The following CEP72 variants were observed in gnomAD, a reference collection of about 807,000 sequenced individuals.
CEP72 encodes centrosomal protein of 72 kDa.
CEP72 carries 78 observed loss-of-function variants against 65.7 expected under a neutral mutation model. The ratio of observed to expected loss-of-function variants is 1.19; its 90% CI spans 0.99 to 1.43. CEP72 has a LOEUF of 1.43. Among genes scored for constraint, CEP72 ranks in the 40% most tolerant of loss-of-function variants. CEP72 has a pLI of 0.00. For missense variants in CEP72, 914 were observed against 832.9 expected, an observed-to-expected ratio of 1.10 and a Z score of -1.20; for synonymous variants, 358 against 351.7, an observed-to-expected ratio of 1.02 and a Z score of -0.20.
exon 4 of CEP72, chr5:666,016 A>G (rs1739893685): frequency 3.1e-6 from 5 of 1,593,994 alleles, no homozygotes; most frequent in African/African-American, 1.4e-5. Flanking sequence ...GAGCCTGTGC[A>G]CCTCGCGAAC....
At chr5:648,096 G>A (rs573070932) in intron 11 of CEP72, among the ~76,000 whole-genome samples, 180 bp downstream of exon 11, 6 of 152,370 alleles carry the variant, frequency 3.9e-5, no homozygotes, top group African/African-American at 1.4e-4. Context: ...CTCTGAAAAC[G>A]GAGGCCCTTC....
intron 11 of CEP72, among the ~76,000 whole-genome samples, chr5:649,757 GTGACTGTGAGGCGT>G (rs1738815857): frequency 1.3e-5 from 1 of 75,150 alleles, no homozygotes; most frequent in African/African-American, 6.2e-5. Flanking sequence ...ACTGTGAGGT[GTGACTGTGAGGCGT>G]GGACTGTGAG....
Position 619,001 on chromosome 5 carries a change from T to C in CEP72, c.94T>C (p.Ser32Pro). ...GPHRDLAELQ[S>P]LSIPGTYQEK... ...TTTTCTATTCTTAGCTGAGCTTCAGTCATTGTCTATTCCTGGAACTTACCA... is the reference window on the plus strand; with the variant it reads ...TTTTCTATTCTTAGCTGAGCTTCAGCCATTGTCTATTCCTGGAACTTACCA... Residue 32 changes from serine to proline, a missense_variant, in exon 2 of 12, where the codon TCA becomes CCA. Transcript: ENST00000264935. 3.1e-6 allele frequency: 5 copies of C among 1,609,162 alleles called. No individual in the cohort carries two copies. The highest frequency in any genetic ancestry group is 4.3e-6 in the Non-Finnish European group (5 of 1,175,608).
At chr5:650,553 G>A (rs866048408) in intron 11 of CEP72, among the ~76,000 whole-genome samples, 1 of 52,186 alleles carries the variant, frequency 1.9e-5, no homozygotes, top group Non-Finnish European at 3.3e-5. Flanking sequence ...ACTGTGAGGC[G>A]TGGACTGTGA....
At position 635,361 on chromosome 5, in the gene CEP72, T is replaced by TCCAGACAGA; in HGVS notation, c.692-11_692-10insCCAGACAGA. On this transcript the variant is annotated splice_polypyrimidine_tract_variant and intron_variant, in intron 5 of 11. Transcript: ENST00000264935. ...GTTTTATGAAATATTTTATTTACAA[T>TCCAGACAGA]ATTTTAATAGAATCCAGACATCTGT... The TCCAGACAGA allele has an allele frequency of 6.4e-7, 1 of 1,550,406 alleles. No individual in the cohort carries two copies. Among genetic ancestry groups the TCCAGACAGA allele is most frequent in the South Asian group, 1.2e-5 (1 of 85,690 alleles).
chr5:665,914 T>TCC, intron 3 of CEP72: 1 of 459,610 alleles, frequency 2.2e-6, no homozygotes, highest in Non-Finnish European at 2.6e-6. Flanking sequence ...CCACCCACCT[T>TCC]CCAGGCCCCG....
At position 624,255 on chromosome 5, in the gene CEP72, G is replaced by A. The variant is rs1459898342; in HGVS notation, c.404-216G>A. Among the ~76,000 whole-genome samples the A allele has an allele frequency of 6.6e-6, 1 of 152,200 alleles. No homozygotes were observed. Among genetic ancestry groups the A allele is most frequent in the East Asian group, 1.9e-4 (1 of 5,192 alleles). On this transcript the variant is annotated intron_variant, in intron 3 of 11. Transcript: ENST00000264935. This position sits in a 1 kb window ranked among gnomAD's most constrained non-coding sequence, Gnocchi z 4.7. The stretch of plus-strand genomic sequence containing the variant: ...CATCTGTGTGCGGCTGCTCCCGTGC[G>A]CAGCAGTGAGCTCTGAGGGACAGGC...
Position 665,319 on chromosome 5 carries a change from G to T in CEP72, n.427G>T, listed in dbSNP as rs761708657. The T allele has an allele frequency of 3.1e-5, 50 of 1,602,438 alleles. 1 individual carries two copies. In the South Asian group the frequency reaches 4.4e-4, roughly 14 times the overall value. On this transcript the variant is annotated non_coding_transcript_exon_variant, in exon 3 of 5. Coordinates refer to the CEP72 transcript ENST00000514507. Reference sequence around the variant, plus strand: ...TTTCTGCAAGAGGAGCAGGAGGAAGGGGGCAGGTGAGTTGCGAGCCAGGTG... The same window carrying T: ...TTTCTGCAAGAGGAGCAGGAGGAAGTGGGCAGGTGAGTTGCGAGCCAGGTG...
rs1736550203 is a variant in CEP72 at position 623,731 on chromosome 5, T to C, written c.404-740T>C. 6.6e-6 allele frequency among the ~76,000 whole-genome samples: 1 copy of C among 151,756 alleles called. No homozygotes were observed. Among genetic ancestry groups the C allele is most frequent in the Non-Finnish European group, 1.5e-5 (1 of 67,954 alleles). ...GGTGCCCTGTGTGCTGGGTGGAGAG[T>C]GCCCCAGGTTGCAGAGGCCTCTGAC... On this transcript the variant is annotated intron_variant, in intron 3 of 11. Coordinates refer to ENST00000264935, the MANE Select transcript of CEP72 (RefSeq NM_018140.4). The surrounding 1 kb of genome is among the most constrained non-coding windows in gnomAD (Gnocchi z 5.3).
intron 4 of CEP72, among the ~76,000 whole-genome samples, chr5:625,168 A>G (rs910893563): frequency 1.3e-5 from 2 of 152,104 alleles, no homozygotes; most frequent in African/African-American, 2.4e-5. Context: ...TGTTCGGTTG[A>G]TAGTATCTGC....
intron 3 of CEP72, among the ~76,000 whole-genome samples, chr5:622,673 C>T (rs542133709): frequency 2.6e-5 from 4 of 152,336 alleles, no homozygotes; most frequent in African/African-American, 7.2e-5. Context: ...GGCGTGCATG[C>T]GTGGTGCTGG....
intron 3 of CEP72, among the ~76,000 whole-genome samples, chr5:621,859 C>T (rs111705670): frequency 9.6e-4 from 147 of 152,342 alleles, no homozygotes; most frequent in African/African-American, 3.1e-3. Flanking sequence ...CTGCAACCTC[C>T]GCCTCCCGGG....
At chr5:650,083 CGTGACTGTGAGGT>C (rs1480521550) in intron 11 of CEP72, among the ~76,000 whole-genome samples, 3,190 of 3,996 alleles carry the variant, frequency 0.8, 1,400 homozygotes, top group Admixed American at 0.84. Flanking sequence ...GACTGTGAGG[CGTGACTGTGAGGT>C]GTGGACTGTG....
intron 3 of CEP72, chr5:665,418 C>G (rs759235912): frequency 1.1e-6 from 1 of 904,454 alleles, no homozygotes; most frequent in African/African-American, 1.7e-5. Context: ...GGCATAAACC[C>G]TGGGATTTAT....
the CEP72 span, among the ~76,000 whole-genome samples, chr5:674,671 G>C: frequency 3.3e-5 from 5 of 151,624 alleles, no homozygotes; most frequent in African/African-American, 4.9e-5. Flanking sequence ...CAGCTGGCTG[G>C]GGCCATCTAC....
chr5:653,335 GAT>G lies in CEP72; in HGVS notation c.*185_*186del. 1.9e-6 allele frequency: 1 copy of G among 539,310 alleles called. No individual in the cohort carries two copies. The highest frequency in any genetic ancestry group is 3.2e-6 in the Non-Finnish European group (1 of 315,860). The allele number at this position is 539,310 out of a possible 1,614,324, so 33.4% of individuals were successfully genotyped here. A position where few individuals can be genotyped will look rare whatever the true frequency, so the allele number is the denominator to read the frequency against. ...GGTTTTCTAAAGCACCTCGTAAAAT[GAT>G]ATGATTACTCCAAGCCCTCTGCATG... On this transcript the variant is annotated 3_prime_UTR_variant, in exon 12 of 12. Coordinates refer to ENST00000264935, the MANE Select transcript of CEP72 (RefSeq NM_018140.4).
chr5:675,348 C>A, the CEP72 span, among the ~76,000 whole-genome samples: 1 of 15,076 alleles, frequency 6.6e-5, no homozygotes, highest in African/African-American at 2.8e-4. Context: ...GCTGGGGGTG[C>A]AGTGTGGGGG....
chr5:634,958 C>T (rs184086583), intron 5 of CEP72, among the ~76,000 whole-genome samples: 30 of 152,262 alleles, frequency 2.0e-4, no homozygotes, highest in East Asian at 5.8e-4. Flanking sequence ...TGCAGTGGCG[C>T]AATCTTGGCT....
chr5:638,524 C>T (rs989729187), intron 7 of CEP72, among the ~76,000 whole-genome samples: 12 of 151,190 alleles, frequency 7.9e-5, no homozygotes, highest in African/African-American at 2.9e-4. Context: ...GGAAGGGAGG[C>T]ATGGCCGGAG....
Sources: allele counts gnomAD v4.1 joint callset (sites outside exome capture counted in the v4.1 genomes callset), GRCh38; gene constraint gnomAD v4.1.1; non-coding constraint Gnocchi (gnomAD v3.1); transcripts MANE v1.5; gene names NCBI Gene and HGNC (gene_info 2026-07-23, HGNC 2026-07-21).